The following COL15A1 variants were observed in gnomAD, a reference collection of about 807,000 sequenced individuals.
COL15A1 encodes the protein collagen type XV alpha 1 chain.
COL15A1 carries 111 observed loss-of-function variants against 165.9 expected under a neutral mutation model. That is an observed-to-expected ratio of 0.67 (90% confidence interval 0.57 to 0.78). COL15A1 has a LOEUF of 0.78. Ranked by LOEUF, COL15A1 falls within the 30% of genes least tolerant of loss-of-function variation. COL15A1 has a pLI of 0.00. For synonymous variants in COL15A1, 659 were observed against 674.8 expected, an observed-to-expected ratio of 0.98 and a Z score of 0.36; for missense variants, 1,745 against 1,789.7, an observed-to-expected ratio of 0.98 and a Z score of 0.45.
rs771414852 is a variant in COL15A1 at position 99,036,320 on chromosome 9, G to A, written c.2333G>A (p.Arg778Lys). Residue 778 changes from arginine to lysine, a missense_variant, in exon 21 of 42, where the codon AGG becomes AAG. Arg to Lys is a conservative substitution (Grantham distance 26). Coordinates refer to ENST00000375001, the MANE Select transcript of COL15A1 (RefSeq NM_001855.5). Reference protein sequence around the residue: ...EKGDRGPKGERGMDGASIVGP... With the variant: ...EKGDRGPKGEKGMDGASIVGP... ...TCTTGCTGCTTTGACCAGGGAGAAA[G>A]GGGGATGGATGGAGCCAGTATTGTG... 3 of 1,614,184 alleles carry A rather than the reference G, an allele frequency of 1.9e-6. No individual in the cohort carries two copies. The Admixed American group carries it at 5.0e-5, about 27-fold the overall frequency.
chr9:99,045,485 C>T (rs1036667423), intron 26 of COL15A1, among the ~76,000 whole-genome samples: 1 of 152,198 alleles, frequency 6.6e-6, no homozygotes, highest in African/African-American at 2.4e-5. Context: ...AATCCATAAC[C>T]CATCTGGGCT....
chr9:99,016,144 T>C (rs1838931684), intron 11 of COL15A1, 25 bp downstream of exon 11: 1 of 1,580,402 alleles, frequency 6.3e-7, no homozygotes, highest in Non-Finnish European at 8.6e-7. Context: ...GCTGTAAGAT[T>C]TGACTTGGCA....
chr9:98,981,181 C>T (rs545756203), intron 2 of COL15A1, among the ~76,000 whole-genome samples: 186 of 152,178 alleles, frequency 1.2e-3, no homozygotes, highest in African/African-American at 4.4e-3. Flanking sequence ...AGGCCAGGCG[C>T]GGTGGCTCAT....
intron 24 of COL15A1, among the ~76,000 whole-genome samples, 178 bp downstream of exon 24, chr9:99,042,285 A>G (rs1352186783): frequency 6.6e-6 from 1 of 152,172 alleles, no homozygotes; most frequent in African/African-American, 2.4e-5. Flanking sequence ...AGGTTGTACA[A>G]CCTCATGAAC....
chr9:99,023,583 G>T (rs759185712), intron 14 of COL15A1, 134 bp downstream of exon 14: 3 of 568,452 alleles, frequency 5.3e-6, no homozygotes, highest in South Asian at 4.8e-5. Flanking sequence ...AGCTCATGGG[G>T]GTTCATTCTA....
At chr9:99,062,975 T>C (rs1291459234) in intron 38 of COL15A1, 75 bp from the exon 39 acceptor site, 3 of 1,513,626 alleles carry the variant, frequency 2.0e-6, no homozygotes, top group Non-Finnish European at 1.8e-6. Flanking sequence ...AACATTGCAC[T>C]TGCACCTCAA....
In COL15A1 at chr9:99,023,390, T is replaced by G; in HGVS notation, c.1795T>G (p.Trp599Gly). 2 of 1,611,508 alleles carry G rather than the reference T, an allele frequency of 1.2e-6. No homozygotes were observed. Among genetic ancestry groups the G allele is most frequent in the Non-Finnish European group, 1.7e-6 (2 of 1,178,136 alleles). ...AGAAGCAGAGGGCTCTGGCCTAGGCTGGGGCTCGGACGTCGGCTCTGGCTC... is the reference window on the plus strand; with the variant it reads ...AGAAGCAGAGGGCTCTGGCCTAGGCGGGGGCTCGGACGTCGGCTCTGGCTC... ...GAEAEGSGLG[W>G]GSDVGSGSGD... is the part of the protein sequence containing the mutation. The change falls in exon 14 of 42, where the codon TGG (tryptophan) becomes GGG (glycine). Residue 599 changes from tryptophan (W) to glycine (G), a missense_variant. Trp to Gly is a radical substitution (Grantham distance 184, BLOSUM62 -2). Transcript: ENST00000375001.
intron 9 of COL15A1, 99 bp downstream of exon 9, chr9:99,005,149 T>A (rs569553235): frequency 1.6e-6 from 2 of 1,256,624 alleles, no homozygotes; most frequent in African/African-American, 3.0e-5. Flanking sequence ...CATGGGAGCC[T>A]GAGGCACGGG....
intron 2 of COL15A1, among the ~76,000 whole-genome samples, chr9:98,961,061 A>G (rs1243554159): frequency 6.6e-6 from 1 of 152,208 alleles, no homozygotes; most frequent in Non-Finnish European, 1.5e-5. Context: ...AGTGGGTGGG[A>G]TGGAATTCAT....
intron 28 of COL15A1, among the ~76,000 whole-genome samples, chr9:99,048,855 G>A (rs1413803873): frequency 6.6e-6 from 1 of 151,896 alleles, no homozygotes; most frequent in Non-Finnish European, 1.5e-5. Context: ...AGAAGTCAAG[G>A]CACCCACCCA....
At chr9:99,039,747 T>C (rs58805629) in intron 22 of COL15A1, among the ~76,000 whole-genome samples, 6,717 of 152,288 alleles carry the variant, frequency 0.044, 507 homozygotes, top group African/African-American at 0.16. Context: ...CCTAATTCTC[T>C]TCTCTGATGA....
chr9:99,055,832 A>T (rs930310685), intron 34 of COL15A1, among the ~76,000 whole-genome samples: 1 of 152,200 alleles, frequency 6.6e-6, no homozygotes, highest in Non-Finnish European at 1.5e-5. Flanking sequence ...TGTGCCCCCA[A>T]CAAGAATATG....
chr9:98,967,450 G>T (rs1346711044), intron 2 of COL15A1, among the ~76,000 whole-genome samples: 1 of 152,230 alleles, frequency 6.6e-6, no homozygotes, highest in Non-Finnish European at 1.5e-5. Context: ...TCCAGGGGCT[G>T]ACTTGGACAG....
chr9:99,053,925 G>C (rs1044215708), intron 31 of COL15A1, among the ~76,000 whole-genome samples: 6 of 152,188 alleles, frequency 3.9e-5, no homozygotes, highest in African/African-American at 1.4e-4. Context: ...GGTGGGGAAA[G>C]GGAACCACTT....
In COL15A1 at chr9:99,070,337, T is replaced by A; in HGVS notation, c.*451T>A. ...CAAATGCTTTTTTCTTTCACGTACA[T>A]CCATCATTTGCAACTGCTGTTCGTA... On this transcript the variant is annotated 3_prime_UTR_variant, in exon 42 of 42. Transcript: ENST00000375001. 1.3e-5 allele frequency: 3 copies of A among 238,998 alleles called. No individual in the cohort carries two copies. Among genetic ancestry groups the A allele is most frequent in the Non-Finnish European group, 2.5e-5 (3 of 118,712 alleles). The allele number at this position is 238,998 out of a possible 1,614,324, so 14.8% of individuals were successfully genotyped here. A position where few individuals can be genotyped will look rare whatever the true frequency, so the allele number is the denominator to read the frequency against.
intron 2 of COL15A1, among the ~76,000 whole-genome samples, chr9:98,956,547 T>C (rs2118780281): frequency 6.6e-6 from 1 of 152,336 alleles, no homozygotes; most frequent in South Asian, 2.1e-4. Context: ...TGTGTATCTG[T>C]GTGTGTATTT....
At chr9:99,049,116 A>G (rs1285452044) in intron 28 of COL15A1, among the ~76,000 whole-genome samples, 6 of 152,212 alleles carry the variant, frequency 3.9e-5, no homozygotes, top group African/African-American at 1.4e-4. Flanking sequence ...GCCTGCCCTC[A>G]GAGCCTCACC....
rs1837974477 is a variant in COL15A1 at position 98,967,390 on chromosome 9, G to GC, written c.101-18173dup. Among the ~76,000 whole-genome samples, 7 of 152,316 alleles carry GC rather than the reference G, an allele frequency of 4.6e-5. No homozygotes were observed. The South Asian group carries it at 1.4e-3, about 32-fold the overall frequency. On this transcript the variant is annotated intron_variant, in intron 2 of 41. Coordinates refer to ENST00000375001, the MANE Select transcript of COL15A1 (RefSeq NM_001855.5). ...TGCCTGCAGAACCCTCTCCTGACAG[G>GC]CCTTGACCCAGGGGGCTGGAGTGCC...
rs1176205665 is a variant in COL15A1, at chr9:99,020,451, T to C, written c.1701+9T>C. Reference sequence around the variant, plus strand: ...GGCCCAAAGGAGAAAAGGTTTGTGCTGTGACCATCCTGGGGAACACTTTGG... The same window carrying C: ...GGCCCAAAGGAGAAAAGGTTTGTGCCGTGACCATCCTGGGGAACACTTTGG... On this transcript the variant is annotated intron_variant, in intron 12 of 41. Coordinates refer to ENST00000375001, the MANE Select transcript of COL15A1 (RefSeq NM_001855.5). 6.2e-7 allele frequency: 1 copy of C among 1,601,568 alleles called. No individual in the cohort carries two copies. Among genetic ancestry groups the C allele is most frequent in the Non-Finnish European group, 8.6e-7 (1 of 1,168,498 alleles).
Sources: gnomAD v4.1 joint callset for allele counts (sites outside exome capture counted in the v4.1 genomes callset) on GRCh38, gnomAD v4.1.1 for gene constraint, MANE v1.5 for transcripts, NCBI Gene and HGNC (gene_info 2026-07-23, HGNC 2026-07-21) for gene names.